UGT2A2: variants seen among roughly 807,000 people sequenced by gnomAD.
UGT2A2 encodes the protein UDP glucuronosyltransferase family 2 member A2.
In UGT2A2, 60 loss-of-function variants were observed where a neutral mutation model predicts 50.7. The observed-to-expected ratio is 1.18, with a 90% confidence interval of 0.96 to 1.47. The LOEUF (loss-of-function observed/expected upper bound fraction) is 1.47. Ranked by LOEUF, UGT2A2 falls within the 40% of genes most tolerant of loss-of-function variation. The pLI is 0.00. For missense variants in UGT2A2, 762 were observed against 634.0 expected, an observed-to-expected ratio of 1.20 and a Z score of -2.17; for synonymous variants, 242 against 214.6, an observed-to-expected ratio of 1.13 and a Z score of -1.11.
At chr4:69,594,814 C>G (rs1369053712) in intron 4 of UGT2A2, 118 bp from the exon 5 acceptor site, 10 of 1,271,930 alleles carry the variant, frequency 7.9e-6, no homozygotes, top group Non-Finnish European at 1.1e-5. Flanking sequence ...ACGTTTTCTA[C>G]AAAAGCAGAT....
intron 5 of UGT2A2, among the ~76,000 whole-genome samples, chr4:69,592,783 A>G (rs1474955654): frequency 6.6e-6 from 1 of 152,086 alleles, no homozygotes; most frequent in Non-Finnish European, 1.5e-5. Flanking sequence ...AAAAATGGAA[A>G]TAAAAGGCAT....
Position 69,614,049 on chromosome 4 carries a change from C to T in UGT2A2, c.743-14655G>A, listed in dbSNP as rs138528582. On this transcript the variant is annotated intron_variant, in intron 1 of 5. Transcript: ENST00000604629. ...AAATAAAGTCAATTATTCTTATTTA[C>T]AAAAAATATGATCTTGTATCTAGAA... is the stretch of plus-strand genomic sequence containing the variant. Among the ~76,000 whole-genome samples, 46 of 151,922 alleles carry T rather than the reference C, an allele frequency of 3.0e-4. No individual in the cohort carries two copies. The East Asian group carries it at 8.9e-3, about 29-fold the overall frequency.
intron 1 of UGT2A2, among the ~76,000 whole-genome samples, chr4:69,601,851 A>G (rs1719317423): frequency 7.3e-6 from 1 of 136,432 alleles, no homozygotes; most frequent in Non-Finnish European, 1.6e-5. Context: ...GGTCTAGAGG[A>G]GCAGCAGCAC....
At chr4:69,634,049 T>C (rs1226882541) in intron 1 of UGT2A2, among the ~76,000 whole-genome samples, 2 of 151,846 alleles carry the variant, frequency 1.3e-5, no homozygotes, top group Admixed American at 1.3e-4. Flanking sequence ...ATCGAGACCA[T>C]CCTGGCTAAC....
chr4:69,632,769 TC>T (rs1721457533), intron 1 of UGT2A2, among the ~76,000 whole-genome samples: 1 of 151,334 alleles, frequency 6.6e-6, no homozygotes, highest in Non-Finnish European at 1.5e-5. Context: ...GCTCCTGTAA[TC>T]CCAGCTACTC....
chr4:69,626,584 G>T (rs888977871), intron 1 of UGT2A2, among the ~76,000 whole-genome samples: 2 of 151,400 alleles, frequency 1.3e-5, no homozygotes, highest in Non-Finnish European at 3.0e-5. Flanking sequence ...TTAGTGACAC[G>T]CAGTATACTC....
chr4:69,616,637 T>A (rs1160091093), intron 1 of UGT2A2, among the ~76,000 whole-genome samples: 1 of 151,910 alleles, frequency 6.6e-6, no homozygotes, highest in East Asian at 1.9e-4. Context: ...ACCCATTCAA[T>A]TAATTTGAGA....
chr4:69,597,016 TCATA>T (rs1391977363), intron 2 of UGT2A2, among the ~76,000 whole-genome samples: 1 of 152,166 alleles, frequency 6.6e-6, no homozygotes, highest in African/African-American at 2.4e-5. Flanking sequence ...GTTTGCAAAC[TCATA>T]AAAACAGTTT....
At chr4:69,618,099 G>GT (rs1366613604) in intron 1 of UGT2A2, among the ~76,000 whole-genome samples, 8 of 151,528 alleles carry the variant, frequency 5.3e-5, no homozygotes, top group African/African-American at 1.9e-4. Context: ...TAGATTACAT[G>GT]TTTTTATATA....
chr4:69,610,742 A>G (rs1348496442), intron 1 of UGT2A2, among the ~76,000 whole-genome samples: 2 of 152,194 alleles, frequency 1.3e-5, no homozygotes, highest in Non-Finnish European at 2.9e-5. Flanking sequence ...TGAGAATATA[A>G]GATGGTGGCC....
intron 1 of UGT2A2, among the ~76,000 whole-genome samples, chr4:69,610,727 C>A (rs1304258815): frequency 6.6e-6 from 1 of 152,004 alleles, no homozygotes; most frequent in Non-Finnish European, 1.5e-5. Flanking sequence ...AGAGAAAAAG[C>A]TATATGAGAA....
intron 1 of UGT2A2, among the ~76,000 whole-genome samples, chr4:69,604,959 C>T (rs1719517973): frequency 1.5e-5 from 2 of 136,328 alleles, no homozygotes; most frequent in Non-Finnish European, 1.6e-5. Context: ...TAGACTCCCA[C>T]ACAATAATAA....
rs902681632 is a variant in UGT2A2, at chr4:69,604,085, C to T, written c.743-4691G>A. ...CAGAGAACGCCACAAAGATACTCCTCGAGAAGAGCAACTCCAAGACACATA... is the reference window on the plus strand; with the variant it reads ...CAGAGAACGCCACAAAGATACTCCTTGAGAAGAGCAACTCCAAGACACATA... On this transcript the variant is annotated intron_variant, in intron 1 of 5. Transcript: ENST00000604629. Among the ~76,000 whole-genome samples the T allele has an allele frequency of 5.2e-5, 7 of 135,356 alleles. 2 individuals are homozygous for T. Among genetic ancestry groups the T allele is most frequent in the Non-Finnish European group, 6.3e-5 (4 of 63,966 alleles). The allele number at this position is 135,356 out of a possible 152,430, so 88.8% of individuals were successfully genotyped here. A position where few individuals can be genotyped will look rare whatever the true frequency, so the allele number is the denominator to read the frequency against.
At chr4:69,591,485 A>G (rs1718597302) in intron 5 of UGT2A2, among the ~76,000 whole-genome samples, 1 of 152,128 alleles carries the variant, frequency 6.6e-6, no homozygotes, top group African/African-American at 2.4e-5. Flanking sequence ...CCAAGTCCTT[A>G]TTTGCAGAGG....
At chr4:69,615,954 C>T (rs537737892) in intron 1 of UGT2A2, among the ~76,000 whole-genome samples, 2 of 152,148 alleles carry the variant, frequency 1.3e-5, no homozygotes, top group South Asian at 4.1e-4. Context: ...AATATCTGTA[C>T]ACCCATGTTT....
chr4:69,598,273 T>C (rs903893807), intron 2 of UGT2A2, among the ~76,000 whole-genome samples: 1 of 152,176 alleles, frequency 6.6e-6, no homozygotes, highest in East Asian at 1.9e-4. Flanking sequence ...TATAGGAACC[T>C]GCAACTTTCT....
intron 1 of UGT2A2, among the ~76,000 whole-genome samples, chr4:69,636,116 A>G (rs1721695356): frequency 6.6e-6 from 1 of 152,168 alleles, no homozygotes; most frequent in Admixed American, 6.5e-5. Flanking sequence ...CCTTGTACTT[A>G]TTCTGATGTC....
At chr4:69,600,876 G>A (rs1017160866) in intron 1 of UGT2A2, among the ~76,000 whole-genome samples, 1 of 151,876 alleles carries the variant, frequency 6.6e-6, no homozygotes, top group Non-Finnish European at 1.5e-5. Context: ...GGAGGATGGC[G>A]CTAAACCTTT....
chr4:69,589,268 G>A lies in UGT2A2; in HGVS notation c.*104C>T. 1 of 1,358,902 alleles carries A rather than the reference G, an allele frequency of 7.4e-7. No individual in the cohort carries two copies. The highest frequency in any genetic ancestry group is 2.5e-5 in the East Asian group (1 of 39,426). The allele number at this position is 1,358,902 out of a possible 1,614,324, so 84.2% of individuals were successfully genotyped here. On this transcript the variant is annotated 3_prime_UTR_variant, in exon 6 of 6. Transcript: ENST00000604629. ...AAATAGAAAATTTGGAAACAGGATG[G>A]GAGACGTGTTTTTGTTAAACTCCTT...
Sources: gnomAD v4.1 joint callset for allele counts (sites outside exome capture counted in the v4.1 genomes callset) on GRCh38, gnomAD v4.1.1 for gene constraint, MANE v1.5 for transcripts, NCBI Gene and HGNC (gene_info 2026-07-23, HGNC 2026-07-21) for gene names.